Variants in ATP13A4 observed in about 807,000 individuals in gnomAD.
ATP13A4 encodes the protein probable cation-transporting ATPase 13A4.
Under a neutral mutation model 142.5 loss-of-function variants are expected in ATP13A4, and 114 were observed. The observed-to-expected ratio is 0.80, with a 90% CI of 0.69 to 0.93. The LOEUF (loss-of-function observed/expected upper bound fraction) is 0.93, where lower values mean the gene tolerates loss of function less well. ATP13A4 is among the 40% of genes least tolerant of loss of function. The pLI is 0.00. For missense variants in ATP13A4, 1,392 were observed against 1,454.0 expected (o/e 0.96, Z 0.69); for synonymous variants, 488 against 514.8 (o/e 0.95, Z 0.70).
intron 17 of ATP13A4, among the ~76,000 whole-genome samples, chr3:193,449,515 G>A (rs150221284): frequency 7.5e-4 from 114 of 152,284 alleles, no homozygotes; most frequent in African/African-American, 2.6e-3. Context: ...CCTCAGAGCA[G>A]GCTTGAAAGA....
intron 11 of ATP13A4, 63 bp from the exon 12 acceptor site, chr3:193,465,191 T>A: frequency 6.5e-7 from 1 of 1,544,370 alleles, no homozygotes; most frequent in Admixed American, 1.9e-5. Flanking sequence ...TATGACTCTT[T>A]GCCTTTTTTT....
intron 12 of ATP13A4, among the ~76,000 whole-genome samples, chr3:193,463,075 T>C (rs1035844202): frequency 1.3e-5 from 2 of 151,766 alleles, no homozygotes; most frequent in Non-Finnish European, 2.9e-5. Flanking sequence ...TTCACAAACA[T>C]ATTAACAAGA....
At chr3:193,494,935 A>T (rs1720143343) in intron 3 of ATP13A4, among the ~76,000 whole-genome samples, 1 of 152,066 alleles carries the variant, frequency 6.6e-6, no homozygotes. Flanking sequence ...ATGATAACAA[A>T]GGAATTGAAA....
At chr3:193,549,679 A>C (rs1202698576) in intron 1 of ATP13A4, among the ~76,000 whole-genome samples, 2 of 152,014 alleles carry the variant, frequency 1.3e-5, no homozygotes, top group Non-Finnish European at 2.9e-5. Flanking sequence ...AAAATACTGG[A>C]AAATTAGCCA....
At chr3:193,402,968 C>G in intron 29 of ATP13A4, 104 bp from the exon 30 acceptor site, 1 of 1,046,492 alleles carries the variant, frequency 9.6e-7, no homozygotes, top group South Asian at 1.4e-5. Context: ...TTGCTTAGAT[C>G]CAGCTTGACA....
intron 1 of ATP13A4, among the ~76,000 whole-genome samples, chr3:193,525,558 A>G (rs1395931086): frequency 1.3e-5 from 2 of 152,184 alleles, no homozygotes; most frequent in African/African-American, 2.4e-5. Context: ...TACAACATCT[A>G]TAACAAATGC....
chr3:193,573,303 A>ATATGTGTG (rs1553862281), intron 2 of ATP13A4, among the ~76,000 whole-genome samples: 3 of 99,282 alleles, frequency 3.0e-5, no homozygotes, highest in Non-Finnish European at 4.4e-5. Context: ...ATATATATAT[A>ATATGTGTG]TATACATATA....
chr3:193,525,197 AG>A (rs1260440466), intron 1 of ATP13A4, among the ~76,000 whole-genome samples: 2 of 152,238 alleles, frequency 1.3e-5, no homozygotes, highest in Admixed American at 1.3e-4. Flanking sequence ...ACTAGTAAAC[AG>A]AAAGGCCAAA....
intron 1 of ATP13A4, among the ~76,000 whole-genome samples, chr3:193,527,960 C>T (rs925078549): frequency 6.6e-6 from 1 of 152,178 alleles, no homozygotes; most frequent in South Asian, 2.1e-4. Flanking sequence ...GAACATGACA[C>T]ATGTGACAGC....
chr3:193,440,389 G>C, intron 21 of ATP13A4, 169 bp downstream of exon 21: 1 of 1,265,082 alleles, frequency 7.9e-7, no homozygotes, highest in South Asian at 1.5e-5. Context: ...TGAATGGTGA[G>C]ATCCCTTGGT....
chr3:193,570,063 G>A (rs1258398731), intron 2 of ATP13A4, among the ~76,000 whole-genome samples: 1 of 152,174 alleles, frequency 6.6e-6, no homozygotes, highest in Admixed American at 6.5e-5. Context: ...ACTTTGGGAG[G>A]CTGAGGCAGG....
intron 9 of ATP13A4, among the ~76,000 whole-genome samples, chr3:193,469,968 C>G (rs1332369095): frequency 6.6e-6 from 1 of 152,162 alleles, no homozygotes; most frequent in Admixed American, 6.5e-5. Context: ...TTGCCATGGT[C>G]TGCGACACAT....
At position 193,401,160 on chromosome 3, in the gene ATP13A4, C is replaced by T. The variant is rs1336245402; in HGVS notation, c.*1492G>A. On this transcript the variant is annotated 3_prime_UTR_variant, in exon 30 of 30. Coordinates refer to ENST00000342695, the MANE Select transcript of ATP13A4 (RefSeq NM_032279.4). The stretch of plus-strand genomic sequence containing the variant: ...TGATAAGTTCCAAAGCCAGCCTGGG[C>T]CAGGACACTTATCCCCTGATCAGAA... Among the ~76,000 whole-genome samples the T allele has an allele frequency of 6.6e-6, 1 of 152,068 alleles. No individual in the cohort carries two copies. Among genetic ancestry groups the T allele is most frequent in the African/African-American group, 2.4e-5 (1 of 41,392 alleles).
intron 1 of ATP13A4, among the ~76,000 whole-genome samples, chr3:193,531,431 G>C (rs540491570): frequency 1.3e-5 from 2 of 151,576 alleles, no homozygotes; most frequent in East Asian, 1.9e-4. Flanking sequence ...GGGAAGGAGG[G>C]AAGGAGGGAA....
chr3:193,560,152 G>A lies in ATP13A4; in HGVS notation n.291+21555C>T, dbSNP rs553245144. 1.6e-4 allele frequency among the ~76,000 whole-genome samples: 24 copies of A among 152,074 alleles called. No homozygotes were observed. In the South Asian group the frequency reaches 2.3e-3, roughly 14 times the overall value. On this transcript the variant is annotated intron_variant and non_coding_transcript_variant, in intron 2 of 3. Coordinates refer to the ATP13A4 transcript ENST00000489140. ...CGATTTGTCCAAGATCACAATCTGC[G>A]AAAGCTAAAACTCTCAAGTCTTATA...
At chr3:193,433,769 T>G in intron 25 of ATP13A4, 76 bp downstream of exon 25, 1 of 1,042,970 alleles carries the variant, frequency 9.6e-7, no homozygotes, top group Non-Finnish European at 1.5e-6. Context: ...TTCCTCATGG[T>G]AGACAAATCT....
At chr3:193,588,591 G>T in intron 1 of ATP13A4, among the ~76,000 whole-genome samples, 1 of 152,018 alleles carries the variant, frequency 6.6e-6, no homozygotes, top group East Asian at 1.9e-4. Context: ...TTTCTCAACA[G>T]CCCCCTATCC....
intron 25 of ATP13A4, among the ~76,000 whole-genome samples, chr3:193,425,262 G>A (rs1389593708): frequency 4.0e-5 from 6 of 151,574 alleles, no homozygotes; most frequent in East Asian, 1.9e-4. Flanking sequence ...ACTGTTGGTC[G>A]AAATGTAAAT....
At chr3:193,451,888 T>C (rs1436408332) in intron 17 of ATP13A4, among the ~76,000 whole-genome samples, 1 of 152,200 alleles carries the variant, frequency 6.6e-6, no homozygotes, top group Non-Finnish European at 1.5e-5. Context: ...TGTGTATGCA[T>C]GGTGCTGATG....
Sources: allele counts gnomAD v4.1 joint callset (sites outside exome capture counted in the v4.1 genomes callset), GRCh38; gene constraint gnomAD v4.1.1; transcripts MANE v1.5; gene names NCBI Gene and HGNC (gene_info 2026-07-23, HGNC 2026-07-21).